The following CD109 variants were observed in gnomAD, a reference collection of about 807,000 sequenced individuals.
CD109 encodes the protein CD109 antigen.
A neutral mutation model predicts 165.8 loss-of-function variants in CD109; 149 were observed. The observed-to-expected ratio is 0.90, with a 90% CI of 0.79 to 1.03. The LOEUF is 1.03. Among genes scored for constraint, CD109 ranks in the 50% least tolerant of loss-of-function variants. The pLI, the probability that CD109 is intolerant of heterozygous loss-of-function variation, is 0.00. For missense variants in CD109, 1,712 were observed against 1,677.8 expected, an observed-to-expected ratio of 1.02 and a Z score of -0.36; for synonymous variants, 585 against 592.1, an observed-to-expected ratio of 0.99 and a Z score of 0.18.
At chr6:73,775,190 T>C (rs1410805496) in intron 15 of CD109, among the ~76,000 whole-genome samples, 2 of 152,008 alleles carry the variant, frequency 1.3e-5, no homozygotes, top group Non-Finnish European at 2.9e-5. Flanking sequence ...TATGTGTATA[T>C]ATATATATGT....
rs780369219 is a variant in CD109, at chr6:73,823,531, C to T, written c.4236C>T (p.Gly1412=). The T allele has an allele frequency of 8.1e-6, 13 of 1,614,000 alleles. No individual in the cohort carries two copies. In the Admixed American group the frequency reaches 1.2e-4, roughly 14 times the overall value. ...SSCDLCSDVQ[G]CRPCEDGASG... ...GTGACCTTTGCAGTGATGTCCAGGGCTGCCGTCCTTGTGAGGATGGAGCTT... is the reference window on the plus strand; with the variant it reads ...GTGACCTTTGCAGTGATGTCCAGGGTTGCCGTCCTTGTGAGGATGGAGCTT... The change falls in exon 33 of 33, where the codon GGC becomes GGT. Residue 1412 remains glycine, a synonymous_variant. Transcript: ENST00000287097.
intron 21 of CD109, among the ~76,000 whole-genome samples, chr6:73,788,035 C>G (rs1774763160): frequency 6.6e-6 from 1 of 152,076 alleles, no homozygotes; most frequent in East Asian, 1.9e-4. Flanking sequence ...CCATGAGATG[C>G]CTTATCTAAT....
chr6:73,762,528 A>G (rs1773675315), intron 8 of CD109, 48 bp downstream of exon 8: 1 of 1,250,412 alleles, frequency 8.0e-7, no homozygotes, highest in East Asian at 2.4e-5. Flanking sequence ...AAATATGTGT[A>G]TTTTTCTAGA....
chr6:73,715,220 A>G (rs1302725014), intron 2 of CD109, among the ~76,000 whole-genome samples: 1 of 152,142 alleles, frequency 6.6e-6, no homozygotes, highest in Non-Finnish European at 1.5e-5. Context: ...AGATCGTGCC[A>G]CTGCACTCCA....
chr6:73,767,973 C>A, intron 13 of CD109, 82 bp from the exon 14 acceptor site: 1 of 1,112,986 alleles, frequency 9.0e-7, no homozygotes, highest in Non-Finnish European at 1.3e-6. Flanking sequence ...TGTGTGTATG[C>A]ATACAATTAT....
chr6:73,693,935 G>C (rs192774340), upstream of CD109: 9 of 151,622 alleles, frequency 5.9e-5, no homozygotes, highest in Admixed American at 2.0e-4. Flanking sequence ...GCCCAGGCTG[G>C]AGAGCAATTC....
At position 73,814,937 on chromosome 6, in the gene CD109, A is replaced by T. The variant is rs763161322; in HGVS notation, c.3769-44A>T. On this transcript the variant is annotated intron_variant, in intron 29 of 32. Coordinates refer to ENST00000287097, the MANE Select transcript of CD109 (RefSeq NM_133493.5). The stretch of plus-strand genomic sequence containing the variant: ...AGTATTTAGAAGGCAAAATGATGGA[A>T]ATTTATGTCCAACTTGTTATTTATG... The T allele has an allele frequency of 2.8e-6, 4 of 1,411,992 alleles. No individual in the cohort carries two copies. In the African/African-American group the frequency reaches 6.0e-5, roughly 21 times the overall value. The allele number at this position is 1,411,992 out of a possible 1,614,324, so 87.5% of individuals were successfully genotyped here. A position where few individuals can be genotyped will look rare whatever the true frequency, so the allele number is the denominator to read the frequency against.
chr6:73,731,634 T>C (rs1248810821), intron 4 of CD109, among the ~76,000 whole-genome samples: 3 of 152,182 alleles, frequency 2.0e-5, no homozygotes, highest in African/African-American at 7.2e-5. Context: ...CACTGGAGAA[T>C]TCTGAGGCAA....
chr6:73,756,883 AT>A (rs1371173126), intron 6 of CD109, among the ~76,000 whole-genome samples: 1 of 152,204 alleles, frequency 6.6e-6, no homozygotes, highest in East Asian at 1.9e-4. Context: ...GTAGAAAAAA[AT>A]CACCTATAGT....
chr6:73,781,835 A>ACACACACACACACACACACACACACC (rs150665697), intron 17 of CD109, among the ~76,000 whole-genome samples: 1 of 144,328 alleles, frequency 6.9e-6, no homozygotes, highest in Non-Finnish European at 1.5e-5. Context: ...ACACACACAC[A>ACACACACACACACACACACACACACC]CCCCTCATCA....
chr6:73,731,220 A>G (rs1045324015), intron 4 of CD109, among the ~76,000 whole-genome samples: 1 of 152,092 alleles, frequency 6.6e-6, no homozygotes, highest in Non-Finnish European at 1.5e-5. Context: ...CTAAATTTGA[A>G]TTTTTAGTAG....
upstream of CD109, chr6:73,696,169 G>A (rs1770819520): frequency 1.3e-6 from 2 of 1,531,190 alleles, no homozygotes; most frequent in East Asian, 2.5e-5. Context: ...CACGGTGCCC[G>A]CGAACTTCCC....
chr6:73,701,078 G>A (rs1449741789), intron 2 of CD109, among the ~76,000 whole-genome samples: 1 of 151,094 alleles, frequency 6.6e-6, no homozygotes, highest in Non-Finnish European at 1.5e-5. Context: ...TAGGATTATA[G>A]GCGTGAGCCA....
chr6:73,786,058 G>T (rs995322279), intron 20 of CD109, among the ~76,000 whole-genome samples: 2 of 114,422 alleles, frequency 1.7e-5, no homozygotes, highest in South Asian at 2.5e-4. Context: ...TGGCCAGGCG[G>T]GTCTTGATCA....
At chr6:73,818,660 G>C (rs1367246848) in intron 31 of CD109, 125 bp downstream of exon 31, 2 of 793,408 alleles carry the variant, frequency 2.5e-6, no homozygotes, top group Admixed American at 6.2e-5. Flanking sequence ...CCCTGAATGA[G>C]TTTAACATGG....
chr6:73,812,118 T>A (rs1775777177), intron 28 of CD109, 87 bp from the exon 29 acceptor site: 3 of 749,134 alleles, frequency 4.0e-6, no homozygotes, highest in African/African-American at 1.8e-5. Flanking sequence ...CTTTTCCTAA[T>A]GAGGGATAGG....
the CD109 span, among the ~76,000 whole-genome samples, chr6:73,684,777 T>C: frequency 6.6e-6 from 1 of 152,152 alleles, no homozygotes; most frequent in African/African-American, 2.4e-5. Flanking sequence ...CTCAAACTCC[T>C]GGGCTCAAGT....
intron 2 of CD109, among the ~76,000 whole-genome samples, chr6:73,714,997 G>T (rs746310709): frequency 6.6e-6 from 1 of 152,198 alleles, no homozygotes; most frequent in African/African-American, 2.4e-5. Flanking sequence ...AGTGGCTCAC[G>T]CCTGTAATCC....
At chr6:73,813,659 G>T (rs1367641289) in intron 29 of CD109, among the ~76,000 whole-genome samples, 1 of 152,128 alleles carries the variant, frequency 6.6e-6, no homozygotes, top group East Asian at 1.9e-4. Flanking sequence ...TCATGAGTTT[G>T]CAGTAAATAT....
Sources: allele counts gnomAD v4.1 joint callset (sites outside exome capture counted in the v4.1 genomes callset), GRCh38; gene constraint gnomAD v4.1.1; transcripts MANE v1.5; gene names NCBI Gene and HGNC (gene_info 2026-07-23, HGNC 2026-07-21).